The following CCSER1 variants were observed in gnomAD, a reference collection of about 807,000 sequenced individuals.
The protein encoded by CCSER1 is coiled-coil serine rich protein 1.
CCSER1 carries 41 observed loss-of-function variants against 82.0 expected under a neutral mutation model. The ratio of observed to expected loss-of-function variants is 0.50; its 90% CI spans 0.39 to 0.65. The LOEUF is 0.65. Ranked by LOEUF, CCSER1 falls within the 30% of genes least tolerant of loss-of-function variation. The pLI, the probability that CCSER1 is intolerant of heterozygous loss-of-function variation, is 0.00. For synonymous variants in CCSER1, 414 were observed against 383.9 expected (o/e 1.08, Z -0.92); for missense variants, 1,119 against 1,064.2 (o/e 1.05, Z -0.72).
chr4:91,526,146 A>C (rs1359358923), intron 10 of CCSER1, among the ~76,000 whole-genome samples: 1 of 152,274 alleles, frequency 6.6e-6, no homozygotes, highest in East Asian at 1.9e-4. Flanking sequence ...GTCCCATAAG[A>C]AAATATTTTA....
chr4:91,437,811 G>A (rs183099321), intron 10 of CCSER1, among the ~76,000 whole-genome samples: 1 of 152,322 alleles, frequency 6.6e-6, no homozygotes, highest in East Asian at 1.9e-4. Context: ...TTAAAAAATG[G>A]CACACCAGGA....
chr4:90,711,582 G>A (rs1332095681), intron 6 of CCSER1, among the ~76,000 whole-genome samples: 1 of 152,024 alleles, frequency 6.6e-6, no homozygotes, highest in Non-Finnish European at 1.5e-5. Flanking sequence ...TGCACCTATT[G>A]AGATAATCAT....
chr4:90,981,142 A>G (rs748411459), intron 9 of CCSER1, among the ~76,000 whole-genome samples: 6 of 151,946 alleles, frequency 3.9e-5, no homozygotes, highest in East Asian at 2.0e-4. Context: ...GAGTTCTGCA[A>G]TGATACTTAG....
At chr4:90,209,652 T>C (rs1243191800) in intron 1 of CCSER1, among the ~76,000 whole-genome samples, 1 of 152,188 alleles carries the variant, frequency 6.6e-6, no homozygotes, top group Non-Finnish European at 1.5e-5. Context: ...TTTCTGTGTG[T>C]GGCATTGCAT....
intron 4 of CCSER1, among the ~76,000 whole-genome samples, chr4:90,454,228 G>GT (rs576058533): frequency 0.023 from 3,000 of 128,750 alleles, 71 homozygotes; most frequent in African/African-American, 0.068. Flanking sequence ...TTTGTTTCAT[G>GT]TTTTTTTTTT....
chr4:91,355,690 C>T (rs576597941), intron 10 of CCSER1, among the ~76,000 whole-genome samples: 20 of 152,260 alleles, frequency 1.3e-4, no homozygotes, highest in East Asian at 3.9e-4. Flanking sequence ...ATCGGCCATG[C>T]GTGGACCAGT....
At chr4:91,217,627 G>C (rs1359951634) in intron 10 of CCSER1, among the ~76,000 whole-genome samples, 3 of 151,692 alleles carry the variant, frequency 2.0e-5, no homozygotes, top group Non-Finnish European at 2.9e-5. Context: ...ACAGAGTGTC[G>C]ATTGGTGCAC....
chr4:91,185,940 T>C (rs1304445745), intron 10 of CCSER1, among the ~76,000 whole-genome samples: 28 of 152,188 alleles, frequency 1.8e-4, no homozygotes, highest in Admixed American at 1.8e-3. Flanking sequence ...ATAAACTAAA[T>C]GTGCTTTCCT....
At chr4:91,565,538 A>AT (rs1042494075) in intron 10 of CCSER1, among the ~76,000 whole-genome samples, 3 of 151,682 alleles carry the variant, frequency 2.0e-5, no homozygotes, top group African/African-American at 7.3e-5. Context: ...TGACCATGGG[A>AT]TTTTTTTTCC....
At chr4:90,498,678 C>A (rs1406525729) in intron 5 of CCSER1, among the ~76,000 whole-genome samples, 3 of 152,088 alleles carry the variant, frequency 2.0e-5, no homozygotes, top group African/African-American at 7.2e-5. Flanking sequence ...GATAAAAATT[C>A]TAAGTCTTGT....
At chr4:91,078,356 T>A (rs1486148373) in intron 9 of CCSER1, among the ~76,000 whole-genome samples, 1 of 152,160 alleles carries the variant, frequency 6.6e-6, no homozygotes, top group Non-Finnish European at 1.5e-5. Context: ...GACCTGCAGC[T>A]GAAGGTCCTG....
At chr4:90,654,387 C>A (rs1729328764) in intron 6 of CCSER1, among the ~76,000 whole-genome samples, 1 of 151,914 alleles carries the variant, frequency 6.6e-6, no homozygotes, top group Non-Finnish European at 1.5e-5. Flanking sequence ...TTTGTATTTT[C>A]TTCCTTTTAT....
At chr4:91,213,990 C>G (rs949077424) in intron 10 of CCSER1, among the ~76,000 whole-genome samples, 2 of 152,024 alleles carry the variant, frequency 1.3e-5, no homozygotes, top group Non-Finnish European at 2.9e-5. Context: ...TAAATAAAAC[C>G]TTTCCTCTAC....
intron 8 of CCSER1, among the ~76,000 whole-genome samples, chr4:90,824,851 C>T (rs1760201978): frequency 6.6e-6 from 1 of 152,088 alleles, no homozygotes; most frequent in African/African-American, 2.4e-5. Context: ...TATACTTAAA[C>T]ATTATTAAAG....
chr4:91,551,945 G>T (rs934421999), intron 10 of CCSER1, among the ~76,000 whole-genome samples: 2 of 151,800 alleles, frequency 1.3e-5, no homozygotes, highest in African/African-American at 2.4e-5. Flanking sequence ...AGAGGCAAAA[G>T]GGAGGGGAAA....
intron 10 of CCSER1, among the ~76,000 whole-genome samples, chr4:91,327,617 T>A (rs891202275): frequency 6.6e-6 from 1 of 152,232 alleles, no homozygotes; most frequent in Non-Finnish European, 1.5e-5. Context: ...TTATGCAAAT[T>A]TCTGTAGTTG....
chr4:90,287,670 TTTCCATTTTTTATA>T (rs1195375601), intron 1 of CCSER1, among the ~76,000 whole-genome samples: 1 of 151,964 alleles, frequency 6.6e-6, no homozygotes, highest in Non-Finnish European at 1.5e-5. Flanking sequence ...GATTAGACGT[TTTCCATTTTTTATA>T]TTCTTCATGT....
intron 8 of CCSER1, among the ~76,000 whole-genome samples, chr4:90,910,482 T>C (rs1726167098): frequency 6.6e-6 from 1 of 152,174 alleles, no homozygotes; most frequent in African/African-American, 2.4e-5. Flanking sequence ...AGTTCTTAAA[T>C]CTAGTCATAT....
At chr4:91,279,138 G>C (rs1399271370) in intron 10 of CCSER1, among the ~76,000 whole-genome samples, 2 of 151,478 alleles carry the variant, frequency 1.3e-5, no homozygotes, top group Non-Finnish European at 2.9e-5. Flanking sequence ...GAAATCTGCT[G>C]TTAGTCTGAT....
Sources: gnomAD v4.1 joint callset for allele counts (sites outside exome capture counted in the v4.1 genomes callset) on GRCh38, gnomAD v4.1.1 for gene constraint, MANE v1.5 for transcripts, NCBI Gene and HGNC (gene_info 2026-07-23, HGNC 2026-07-21) for gene names.